CFAP47: variants seen among roughly 807,000 people sequenced by gnomAD.
The protein encoded by CFAP47 is cilia- and flagella-associated protein 47.
A neutral mutation model predicts 148.1 loss-of-function variants in CFAP47; 29 were observed. The ratio of observed to expected loss-of-function variants is 0.20; its 90% CI spans 0.15 to 0.27. The LOEUF is 0.27. Ranked by LOEUF, CFAP47 falls within the 10% of genes least tolerant of loss-of-function variation. CFAP47 has a pLI of 1.00. For synonymous variants in CFAP47, 664 were observed against 577.3 expected, an observed-to-expected ratio of 1.15 and a Z score of -2.15; for missense variants, 1,872 against 1,697.5, an observed-to-expected ratio of 1.10 and a Z score of -1.81.
At chrX:36,211,183 C>A in intron 45 of CFAP47, 1 of 250,304 alleles carries the variant, frequency 4.0e-6, no homozygotes, top group Non-Finnish European at 7.5e-6. Flanking sequence ...GCAAACTGCT[C>A]AGGAGGAGCA....
intron 39 of CFAP47, among the ~76,000 whole-genome samples, chrX:36,176,281 G>A (rs1430100785): frequency 3.6e-5 from 4 of 112,378 alleles, no homozygotes; most frequent in African/African-American, 1.3e-4. Flanking sequence ...CACGCTCGGA[G>A]CTGTAGACCG....
intron 24 of CFAP47, among the ~76,000 whole-genome samples, chrX:36,037,197 C>G: frequency 8.9e-6 from 1 of 111,942 alleles, no homozygotes; most frequent in African/African-American, 3.2e-5. Flanking sequence ...TGCCTGTCGA[C>G]ATTTATACTC....
At chrX:36,070,175 T>C (rs758979170) in intron 27 of CFAP47, among the ~76,000 whole-genome samples, 10 of 112,168 alleles carry the variant, frequency 8.9e-5, no homozygotes, top group Non-Finnish European at 1.5e-4. Flanking sequence ...ATATAATAGC[T>C]CATTTATATT....
chrX:35,994,272 A>G (rs1936821613), intron 18 of CFAP47, among the ~76,000 whole-genome samples: 1 of 111,632 alleles, frequency 9.0e-6, no homozygotes, highest in South Asian at 3.7e-4. Flanking sequence ...AAAAAAAAAA[A>G]GAAAGAAAAA....
chrX:36,254,521 T>A (rs782809133), intron 49 of CFAP47, among the ~76,000 whole-genome samples: 3 of 110,568 alleles, frequency 2.7e-5, no homozygotes, highest in African/African-American at 9.9e-5. Context: ...AGGGGTGAGA[T>A]AGGCCAGTAA....
intron 63 of CFAP47, among the ~76,000 whole-genome samples, chrX:36,381,568 C>A (rs1353670043): frequency 1.8e-5 from 2 of 110,938 alleles, no homozygotes; most frequent in East Asian, 2.8e-4. Context: ...TCCATTAAAT[C>A]AAATTTAAAA....
chrX:36,374,950 A>G, intron 62 of CFAP47: 3 of 532,860 alleles, frequency 5.6e-6, no homozygotes, highest in Non-Finnish European at 1.0e-5. Context: ...TTGCACATCA[A>G]ATCTGGGCTG....
chrX:36,349,625 C>A (rs1941726586), intron 58 of CFAP47, among the ~76,000 whole-genome samples: 1 of 111,731 alleles, frequency 9.0e-6, no homozygotes, highest in African/African-American at 3.3e-5. Flanking sequence ...AATATTTGGA[C>A]AAATGCCCCC....
chrX:36,258,625 T>C (rs1940781759), intron 49 of CFAP47, among the ~76,000 whole-genome samples: 1 of 111,967 alleles, frequency 8.9e-6, no homozygotes, highest in Admixed American at 9.5e-5. Flanking sequence ...TTTTCTCAAA[T>C]AAATGCAGCT....
intron 57 of CFAP47, among the ~76,000 whole-genome samples, chrX:36,334,462 T>C (rs1556014534): frequency 9.0e-6 from 1 of 111,716 alleles, no homozygotes; most frequent in Non-Finnish European, 1.9e-5. Flanking sequence ...TATATAAAGT[T>C]ATACAATTTT....
At chrX:36,126,841 T>A (rs1370599453) in intron 33 of CFAP47, among the ~76,000 whole-genome samples, 1 of 112,716 alleles carries the variant, frequency 8.9e-6, no homozygotes, top group East Asian at 2.8e-4. Flanking sequence ...ATTTCTCTAA[T>A]GACCAGTGAT....
At chrX:36,210,965 C>T (rs985877427) in intron 45 of CFAP47, 3 of 115,393 alleles carry the variant, frequency 2.6e-5, no homozygotes, top group Non-Finnish European at 5.4e-5. Flanking sequence ...TCTTTCCACA[C>T]TGAATGATCT....
intron 49 of CFAP47, among the ~76,000 whole-genome samples, chrX:36,260,820 G>A (rs1231305942): frequency 5.4e-5 from 6 of 111,616 alleles, no homozygotes; most frequent in Non-Finnish European, 1.9e-5. Context: ...TTGTTCTAGG[G>A]TTTTTTTATA....
intron 62 of CFAP47, among the ~76,000 whole-genome samples, chrX:36,371,868 A>G (rs1263419991): frequency 3.0e-4 from 24 of 81,295 alleles, no homozygotes; most frequent in Admixed American, 8.8e-4. Context: ...GCATATACAC[A>G]CATGTGTATA....
chrX:36,333,214 A>T (rs191076755), intron 57 of CFAP47, among the ~76,000 whole-genome samples: 1 of 105,293 alleles, frequency 9.5e-6, no homozygotes, highest in Admixed American at 1.1e-4. Flanking sequence ...TACAGTATAC[A>T]TCTACCTTTT....
chrX:36,200,949 T>C (rs1316473774), intron 43 of CFAP47, among the ~76,000 whole-genome samples: 3 of 110,726 alleles, frequency 2.7e-5, no homozygotes, highest in Admixed American at 9.7e-5. Flanking sequence ...CTTTTTTTTT[T>C]CCACATTTAT....
chrX:36,274,453 C>G (rs1435492500), intron 49 of CFAP47, among the ~76,000 whole-genome samples: 2 of 111,474 alleles, frequency 1.8e-5, no homozygotes, highest in African/African-American at 6.5e-5. Flanking sequence ...GCATTGTCAA[C>G]TTATGATATT....
chrX:36,317,176 A>G (rs781888161), intron 56 of CFAP47, among the ~76,000 whole-genome samples: 108 of 111,371 alleles, frequency 9.7e-4, no homozygotes, highest in African/African-American at 3.5e-3. Context: ...GAGTTGAACA[A>G]ATATTTATGT....
At chrX:35,925,223 A>C (rs753285867) in intron 1 of CFAP47, among the ~76,000 whole-genome samples, 1 of 110,333 alleles carries the variant, frequency 9.1e-6, no homozygotes. Flanking sequence ...AATTACAAAA[A>C]ATTAGCTGGG....
Sources: allele counts gnomAD v4.1 joint callset (sites outside exome capture counted in the v4.1 genomes callset), GRCh38; gene constraint gnomAD v4.1.1; transcripts MANE v1.5; gene names NCBI Gene and HGNC (gene_info 2026-07-23, HGNC 2026-07-21).